Variants in AK5 observed in about 807,000 individuals in gnomAD.
The protein encoded by AK5 is adenylate kinase isoenzyme 5.
Under a neutral mutation model 69.5 loss-of-function variants are expected in AK5, and 27 were observed. The ratio of observed to expected loss-of-function variants is 0.39; its 90% CI spans 0.29 to 0.54. The LOEUF (loss-of-function observed/expected upper bound fraction) is 0.54. Among genes scored for constraint, AK5 ranks in the 20% least tolerant of loss-of-function variants. The pLI is 0.71. For synonymous variants in AK5, 260 were observed against 244.4 expected, an observed-to-expected ratio of 1.06 and a Z score of -0.60; for missense variants, 531 against 700.4, an observed-to-expected ratio of 0.76 and a Z score of 2.73.
At chr1:77,317,796 G>A (rs1660317943) in intron 5 of AK5, among the ~76,000 whole-genome samples, 3 of 152,182 alleles carry the variant, frequency 2.0e-5, no homozygotes, top group Admixed American at 1.3e-4. Context: ...TCAGAATCAA[G>A]TACATGTCTT....
intron 5 of AK5, among the ~76,000 whole-genome samples, chr1:77,308,987 G>A (rs1033626142): frequency 6.6e-6 from 1 of 151,032 alleles, no homozygotes; most frequent in African/African-American, 2.4e-5. Context: ...AAAGACAACC[G>A]AGCACCACAT....
At chr1:77,477,016 G>A (rs971817941) in intron 8 of AK5, among the ~76,000 whole-genome samples, 6 of 151,106 alleles carry the variant, frequency 4.0e-5, no homozygotes, top group Admixed American at 3.3e-4. Flanking sequence ...GTGTGTGTGT[G>A]TGTGTGTGTG....
At chr1:77,423,150 G>T (rs1319447687) in intron 8 of AK5, among the ~76,000 whole-genome samples, 2 of 151,322 alleles carry the variant, frequency 1.3e-5, no homozygotes, top group Non-Finnish European at 2.9e-5. Flanking sequence ...GAACCCGGGA[G>T]GTGGAGCTTA....
chr1:77,353,567 A>T (rs141842347), intron 6 of AK5, among the ~76,000 whole-genome samples: 15 of 152,260 alleles, frequency 9.9e-5, no homozygotes, highest in South Asian at 4.1e-4. Flanking sequence ...GGGACTTGCT[A>T]CCTTTTCTCA....
At chr1:77,540,835 A>G (rs1659229314) in intron 13 of AK5, 1 of 152,220 alleles carries the variant, frequency 6.6e-6, no homozygotes, top group South Asian at 2.1e-4. Flanking sequence ...GTGGTGGCAC[A>G]TGTCTATAAT....
At chr1:77,464,545 C>G (rs1264217078) in intron 8 of AK5, among the ~76,000 whole-genome samples, 1 of 152,076 alleles carries the variant, frequency 6.6e-6, no homozygotes, top group Non-Finnish European at 1.5e-5. Context: ...GGGTAGGTAG[C>G]TAGGCAGATC....
chr1:77,443,053 C>T (rs139487679), intron 8 of AK5, among the ~76,000 whole-genome samples: 124 of 152,152 alleles, frequency 8.1e-4, no homozygotes, highest in African/African-American at 2.8e-3. Flanking sequence ...TCACACCTAC[C>T]GGGATTTAAA....
intron 8 of AK5, among the ~76,000 whole-genome samples, chr1:77,477,739 T>C (rs1655033667): frequency 6.6e-6 from 1 of 152,170 alleles, no homozygotes; most frequent in African/African-American, 2.4e-5. Context: ...CATTTGTGAA[T>C]TTTAGAGCAA....
Position 77,282,081 on chromosome 1 carries a change from G to C in AK5, c.-233G>C. On this transcript the variant is annotated 5_prime_UTR_variant, in exon 1 of 14. Coordinates refer to ENST00000354567, the MANE Select transcript of AK5 (RefSeq NM_174858.3). ...ACAGCTGCTCGGCGCCTGCAGCTCCGGCTCGGGGGCTGGAACCGAAGCGGG... is the reference window on the plus strand; with the variant it reads ...ACAGCTGCTCGGCGCCTGCAGCTCCCGCTCGGGGGCTGGAACCGAAGCGGG... 1 of 389,556 alleles carries C rather than the reference G, an allele frequency of 2.6e-6. No individual in the cohort carries two copies. The highest frequency in any genetic ancestry group is 4.6e-6 in the Non-Finnish European group (1 of 218,856). The allele number at this position is 389,556 out of a possible 1,614,324, so 24.1% of individuals were successfully genotyped here. A position where few individuals can be genotyped will look rare whatever the true frequency, so the allele number is the denominator to read the frequency against.
intron 5 of AK5, among the ~76,000 whole-genome samples, chr1:77,330,604 A>G (rs1235860712): frequency 6.6e-6 from 1 of 152,154 alleles, no homozygotes; most frequent in African/African-American, 2.4e-5. Context: ...CCAGTGTTCT[A>G]CTAGTTTTCC....
chr1:77,287,586 A>T (rs72677859), intron 2 of AK5, among the ~76,000 whole-genome samples: 15,103 of 152,278 alleles, frequency 0.099, 922 homozygotes, highest in South Asian at 0.2. Flanking sequence ...TGTAAAGTTT[A>T]TACTAGTGAT....
chr1:77,436,544 A>C (rs1651974220), intron 8 of AK5, among the ~76,000 whole-genome samples: 1 of 151,834 alleles, frequency 6.6e-6, no homozygotes, highest in African/African-American at 2.4e-5. Context: ...GCCAAGAACA[A>C]ACTTATATTT....
At chr1:77,486,504 G>A (rs533802213) in intron 10 of AK5, 152 bp downstream of exon 10, 23 of 484,106 alleles carry the variant, frequency 4.8e-5, no homozygotes, top group Middle Eastern at 5.8e-4. Flanking sequence ...GACCATCCTG[G>A]CTAACACAGT....
At chr1:77,370,743 A>T (rs1295195818) in intron 6 of AK5, among the ~76,000 whole-genome samples, 1 of 151,952 alleles carries the variant, frequency 6.6e-6, no homozygotes, top group Non-Finnish European at 1.5e-5. Flanking sequence ...TGAGTGCCAG[A>T]CTCCAACCCC....
chr1:77,447,089 C>A (rs1308230337), intron 8 of AK5, among the ~76,000 whole-genome samples: 2 of 152,214 alleles, frequency 1.3e-5, no homozygotes, highest in African/African-American at 4.8e-5. Context: ...GGATGTAAGT[C>A]CAGCTTTCCC....
intron 5 of AK5, among the ~76,000 whole-genome samples, chr1:77,323,504 G>A (rs936110764): frequency 6.6e-6 from 1 of 152,252 alleles, no homozygotes; most frequent in East Asian, 1.9e-4. Context: ...TGTCTGAAAA[G>A]TTTTAGGAAT....
chr1:77,488,570 A>T (rs1486691260), intron 10 of AK5, among the ~76,000 whole-genome samples: 1 of 152,218 alleles, frequency 6.6e-6, no homozygotes, highest in Non-Finnish European at 1.5e-5. Flanking sequence ...TTTATTAAGT[A>T]TTAACTTACG....
chr1:77,354,001 T>C (rs909872125), intron 6 of AK5, among the ~76,000 whole-genome samples: 8 of 152,198 alleles, frequency 5.3e-5, no homozygotes, highest in Admixed American at 1.3e-4. Context: ...CTGGTGGGAC[T>C]GGATGAACTT....
At chr1:77,507,042 G>A (rs1342172966) in intron 10 of AK5, among the ~76,000 whole-genome samples, 1 of 152,084 alleles carries the variant, frequency 6.6e-6, no homozygotes, top group Non-Finnish European at 1.5e-5. Context: ...GGCCTGATAA[G>A]GTTGCCAGAT....
Sources: allele counts gnomAD v4.1 joint callset (sites outside exome capture counted in the v4.1 genomes callset), GRCh38; gene constraint gnomAD v4.1.1; transcripts MANE v1.5; gene names NCBI Gene and HGNC (gene_info 2026-07-23, HGNC 2026-07-21).